CCDC192: variants seen among roughly 807,000 people sequenced by gnomAD.
CCDC192 encodes coiled-coil domain containing 192.
At chr5:127,744,678 T>C (rs1264372810) in intron 2 of CCDC192, among the ~76,000 whole-genome samples, 1 of 152,254 alleles carries the variant, frequency 6.6e-6, no homozygotes, top group Admixed American at 6.5e-5. Context: ...TTCCCACTGC[T>C]GTTTGGTCAC....
intron 6 of CCDC192, among the ~76,000 whole-genome samples, chr5:127,888,746 CTGAA>C (rs1752648016): frequency 6.6e-6 from 1 of 152,188 alleles, no homozygotes; most frequent in African/African-American, 2.4e-5. Context: ...GCTGACTACT[CTGAA>C]TGTGAGAATC....
intron 2 of CCDC192, among the ~76,000 whole-genome samples, chr5:127,746,470 C>A (rs899559982): frequency 6.6e-6 from 1 of 152,104 alleles, no homozygotes; most frequent in Non-Finnish European, 1.5e-5. Context: ...AGAAAATTTT[C>A]CCTGGAAATA....
At chr5:127,859,569 A>T (rs773478558) in intron 5 of CCDC192, among the ~76,000 whole-genome samples, 1 of 152,160 alleles carries the variant, frequency 6.6e-6, no homozygotes, top group Non-Finnish European at 1.5e-5. Context: ...TTAAACCAGA[A>T]CTCAGTGTAA....
intron 6 of CCDC192, among the ~76,000 whole-genome samples, chr5:127,915,317 C>T (rs1753487970): frequency 6.6e-6 from 1 of 152,248 alleles, no homozygotes; most frequent in South Asian, 2.1e-4. Flanking sequence ...GATAGAGCAA[C>T]CTGCTGCCCG....
intron 2 of CCDC192, among the ~76,000 whole-genome samples, chr5:127,752,818 C>G (rs790841): frequency 6.6e-6 from 1 of 152,026 alleles, no homozygotes; most frequent in Non-Finnish European, 1.5e-5. Context: ...TCTCGTGGTG[C>G]GCCGTTTTTT....
intron 2 of CCDC192, among the ~76,000 whole-genome samples, chr5:127,746,529 T>G (rs1020895760): frequency 2.6e-5 from 4 of 152,176 alleles, no homozygotes; most frequent in African/African-American, 9.7e-5. Flanking sequence ...TTTGGCCTCA[T>G]GACAATTCCC....
At chr5:127,864,335 T>G (rs1347831854) in intron 5 of CCDC192, among the ~76,000 whole-genome samples, 2 of 152,234 alleles carry the variant, frequency 1.3e-5, no homozygotes, top group Admixed American at 1.3e-4. Context: ...CAAGTGGTTT[T>G]AAGCCAAATC....
intron 3 of CCDC192, among the ~76,000 whole-genome samples, chr5:127,759,666 C>T (rs532400959): frequency 6.6e-6 from 1 of 152,302 alleles, no homozygotes; most frequent in African/African-American, 2.4e-5. Flanking sequence ...TCACTCCTAC[C>T]AGTGGTCATA....
At position 127,939,999 on chromosome 5, in the gene CCDC192, A is replaced by G. The variant is rs550346113; in HGVS notation, c.536-1183A>G. 9.8e-5 allele frequency among the ~76,000 whole-genome samples: 15 copies of G among 152,302 alleles called. No homozygotes were observed. In the South Asian group the frequency reaches 3.1e-3, roughly 32 times the overall value. ...AGTCTGCCTTTTATATAGCTCCGAG[A>G]CATTTAATGCTGGAAATTTTGAGAG... On this transcript the variant is annotated intron_variant, in intron 6 of 6. Transcript: ENST00000514853.
At chr5:127,719,524 T>TATATATATATACACACACACACAC (rs1561444898) in intron 2 of CCDC192, among the ~76,000 whole-genome samples, 1 of 88,242 alleles carries the variant, frequency 1.1e-5, no homozygotes, top group Non-Finnish European at 2.3e-5. Context: ...TATATATATA[T>TATATATATATACACACACACACAC]ACACACATAC....
At chr5:127,798,663 T>C (rs573865385) in intron 5 of CCDC192, among the ~76,000 whole-genome samples, 6 of 152,146 alleles carry the variant, frequency 3.9e-5, no homozygotes, top group African/African-American at 1.4e-4. Context: ...ACAATGCTGA[T>C]GCTGCCAGTC....
intron 5 of CCDC192, among the ~76,000 whole-genome samples, chr5:127,853,054 C>A (rs1374788469): frequency 3.3e-5 from 5 of 152,070 alleles, no homozygotes; most frequent in African/African-American, 4.8e-5. Flanking sequence ...CGTGCCACTG[C>A]ACTCCAGCCT....
chr5:127,768,974 G>A (rs151080320), intron 3 of CCDC192, among the ~76,000 whole-genome samples: 6 of 152,304 alleles, frequency 3.9e-5, no homozygotes, highest in South Asian at 2.1e-4. Flanking sequence ...ACAAGAGAAC[G>A]CTTTGTTTTT....
intron 5 of CCDC192, among the ~76,000 whole-genome samples, chr5:127,868,856 C>T (rs190081389): frequency 9.2e-5 from 14 of 152,066 alleles, no homozygotes; most frequent in South Asian, 2.1e-4. Flanking sequence ...CTGGGTAAGA[C>T]ACTGAGGCAT....
intron 1 of CCDC192, among the ~76,000 whole-genome samples, chr5:127,705,964 T>C (rs1023598903): frequency 6.6e-6 from 1 of 152,200 alleles, no homozygotes; most frequent in Non-Finnish European, 1.5e-5. Flanking sequence ...AAGTAGAAAG[T>C]ACCAAAATAC....
rs965225958 is a variant in CCDC192 at position 127,869,485 on chromosome 5, G to A, written c.412-6053G>A. Among the ~76,000 whole-genome samples the A allele has an allele frequency of 5.9e-5, 9 of 152,276 alleles. No individual in the cohort carries two copies. In the Middle Eastern group the frequency reaches 0.01, roughly 173 times the overall value. On this transcript the variant is annotated intron_variant, in intron 5 of 6. Coordinates refer to ENST00000514853, the MANE Select transcript of CCDC192 (RefSeq NM_001317938.2). ...GGAGGGAACAGTGCCATATTTTAGG[G>A]CAAAACATTCCAATTTTTGGACAAC...
At chr5:127,933,384 G>A (rs984176187) in intron 6 of CCDC192, among the ~76,000 whole-genome samples, 1 of 152,188 alleles carries the variant, frequency 6.6e-6, no homozygotes, top group Non-Finnish European at 1.5e-5. Context: ...AATACTAGGC[G>A]AGAGGGAATT....
At chr5:127,916,879 G>A (rs147733624) in intron 6 of CCDC192, among the ~76,000 whole-genome samples, 27 of 152,276 alleles carry the variant, frequency 1.8e-4, no homozygotes, top group African/African-American at 5.8e-4. Context: ...AATGTTATCA[G>A]TTGTATTAGC....
intron 6 of CCDC192, among the ~76,000 whole-genome samples, chr5:127,897,341 A>G (rs1049862150): frequency 6.6e-6 from 1 of 152,144 alleles, no homozygotes; most frequent in African/African-American, 2.4e-5. Context: ...CCAAAAAGGG[A>G]TATGATGTCT....
Sources: gnomAD v4.1 joint callset for allele counts (sites outside exome capture counted in the v4.1 genomes callset) on GRCh38, gnomAD v4.1.1 for gene constraint, MANE v1.5 for transcripts, NCBI Gene and HGNC (gene_info 2026-07-23, HGNC 2026-07-21) for gene names.